The following PCGF3 variants were observed in gnomAD, a reference collection of about 807,000 sequenced individuals.
PCGF3 encodes polycomb group ring finger 3.
A neutral mutation model predicts 33.1 loss-of-function variants in PCGF3; 7 were observed. The observed-to-expected ratio is 0.21, with a 90% CI of 0.12 to 0.40. The LOEUF (loss-of-function observed/expected upper bound fraction) is 0.40, where lower values mean the gene tolerates loss of function less well. Ranked by LOEUF, PCGF3 falls within the 10% of genes least tolerant of loss-of-function variation. The pLI, the probability that PCGF3 is intolerant of heterozygous loss-of-function variation, is 1.00. For synonymous variants in PCGF3, 153 were observed against 121.3 expected (o/e 1.26, Z -1.72); for missense variants, 211 against 313.3 (o/e 0.67, Z 2.46).
intron 1 of PCGF3, among the ~76,000 whole-genome samples, chr4:712,918 A>G (rs1742635948): frequency 6.6e-6 from 1 of 152,240 alleles, no homozygotes. Flanking sequence ...GACTTCCTTG[A>G]AACTCCCTCT....
chr4:760,719 C>T (rs1247554447), intron 8 of PCGF3, among the ~76,000 whole-genome samples: 2 of 152,224 alleles, frequency 1.3e-5, no homozygotes, highest in South Asian at 2.1e-4. Context: ...GAAGCCTCGT[C>T]CTGGGCAGAT....
At chr4:738,046 C>G (rs1743911562) in intron 6 of PCGF3, among the ~76,000 whole-genome samples, 1 of 152,258 alleles carries the variant, frequency 6.6e-6, no homozygotes, top group African/African-American at 2.4e-5. Flanking sequence ...AGCTCCCCAG[C>G]TCCCGACACT....
At chr4:761,305 C>A in exon 9 of PCGF3, 1 of 1,600,518 alleles carries the variant, frequency 6.2e-7, no homozygotes, top group Non-Finnish European at 8.5e-7. Context: ...AGTGTAACAG[C>A]AGCAAACTGC....
At chr4:755,202 C>T (rs1481861086) in intron 8 of PCGF3, among the ~76,000 whole-genome samples, 1 of 152,236 alleles carries the variant, frequency 6.6e-6, no homozygotes, top group Non-Finnish European at 1.5e-5. Flanking sequence ...ACTTAATTTC[C>T]CATCTAATAC....
At chr4:728,088 C>G (rs1300167633) in intron 1 of PCGF3, among the ~76,000 whole-genome samples, 1 of 152,138 alleles carries the variant, frequency 6.6e-6, no homozygotes, top group Non-Finnish European at 1.5e-5. Flanking sequence ...CGTAAACTTT[C>G]CATTTTATTA....
intron 1 of PCGF3, among the ~76,000 whole-genome samples, chr4:711,368 A>C (rs1742553614): frequency 6.6e-6 from 1 of 152,114 alleles, no homozygotes; most frequent in South Asian, 2.1e-4. Flanking sequence ...ACTCTTTATT[A>C]AATGGCAGGA....
At chr4:760,656 C>T (rs1187987999) in intron 8 of PCGF3, among the ~76,000 whole-genome samples, 1 of 152,244 alleles carries the variant, frequency 6.6e-6, no homozygotes, top group Non-Finnish European at 1.5e-5. Flanking sequence ...CCGTGAGCGT[C>T]GCCCTTCCTT....
chr4:750,006 G>A lies in PCGF3; in HGVS notation c.462+5318G>A, dbSNP rs185018250. 3.2e-4 allele frequency among the ~76,000 whole-genome samples: 49 copies of A among 152,220 alleles called. 1 individual carries two copies. In the East Asian group the frequency reaches 9.5e-3, roughly 29 times the overall value. ...TTGTAGAGATGGATGGAGTCTTGCT[G>A]TGTTGCCTAGGCCGGTCTGAACTCC... On this transcript the variant is annotated intron_variant, in intron 8 of 10. Transcript: ENST00000362003.
intron 8 of PCGF3, among the ~76,000 whole-genome samples, chr4:756,176 A>G (rs1172910480): frequency 6.7e-6 from 1 of 149,952 alleles, no homozygotes; most frequent in African/African-American, 2.5e-5. Flanking sequence ...CAGCCTCCCA[A>G]AATGCTGGGA....
In PCGF3 at chr4:734,736, A is replaced by T. The variant is rs555304975; in HGVS notation, c.110-195A>T. The T allele has an allele frequency of 8.0e-6, 11 of 1,370,406 alleles. No homozygotes were observed. The East Asian group carries it at 1.1e-4, about 14-fold the overall frequency. The allele number at this position is 1,370,406 out of a possible 1,614,324, so 84.9% of individuals were successfully genotyped here. A position where few individuals can be genotyped will look rare whatever the true frequency, so the allele number is the denominator to read the frequency against. On this transcript the variant is annotated intron_variant, in intron 4 of 10. Transcript: ENST00000362003. ...TTTGAGGAAGCCCATTGACGGGGCA[A>T]TTAAAACCTTCTCATTGCTCCTGAG...
At chr4:724,279 C>T (rs1268567967) in intron 1 of PCGF3, among the ~76,000 whole-genome samples, 1 of 152,134 alleles carries the variant, frequency 6.6e-6, no homozygotes. Context: ...GCAAAGGCCC[C>T]GGAGGCTTTT....
chr4:709,115 G>A (rs1453755256), intron 1 of PCGF3, among the ~76,000 whole-genome samples: 2 of 152,226 alleles, frequency 1.3e-5, no homozygotes, highest in African/African-American at 4.8e-5. Flanking sequence ...TGTCAGGGGT[G>A]TTTCCAGAGG....
chr4:753,637 CG>C (rs1258325259), intron 8 of PCGF3, among the ~76,000 whole-genome samples: 3 of 148,158 alleles, frequency 2.0e-5, no homozygotes, highest in Admixed American at 6.7e-5. Context: ...AGCGAGAGTC[CG>C]GTCTCAAAAA....
At position 720,500 on chromosome 4, in the gene PCGF3, T is replaced by C; in HGVS notation, c.-189-10130T>C. 6.6e-6 allele frequency among the ~76,000 whole-genome samples: 1 copy of C among 152,190 alleles called. No individual in the cohort carries two copies. The highest frequency in any genetic ancestry group is 2.4e-5 in the African/African-American group (1 of 41,446). ...GGCCCACCCGTGAGTGGGTAGGGCC[T>C]CCTGCCAGGGAGCCTTGTGCATGGC... On this transcript the variant is annotated intron_variant, in intron 1 of 10. Transcript: ENST00000362003. The surrounding 1 kb of genome is among the most constrained non-coding windows in gnomAD (Gnocchi z 5.6).
chr4:725,263 G>A (rs1213466625), intron 1 of PCGF3: 1 of 152,972 alleles, frequency 6.5e-6, no homozygotes, highest in Non-Finnish European at 1.5e-5. Flanking sequence ...GCGCTGTGAG[G>A]GGTGTACATG....
At chr4:734,584 C>G (rs1577415031) in intron 4 of PCGF3, 3 of 1,167,014 alleles carry the variant, frequency 2.6e-6, no homozygotes, top group African/African-American at 3.2e-5. Context: ...ATACTGTCAT[C>G]TTTTAGGACA....
At chr4:724,755 G>A (rs1405269866) in intron 1 of PCGF3, among the ~76,000 whole-genome samples, 4 of 151,892 alleles carry the variant, frequency 2.6e-5, no homozygotes, top group Admixed American at 2.6e-4. Flanking sequence ...CCGAGATCAC[G>A]CCACTGCACT....
At chr4:733,607 G>A in intron 3 of PCGF3, 65 bp from the exon 4 acceptor site, 2 of 1,501,750 alleles carry the variant, frequency 1.3e-6, no homozygotes, top group Admixed American at 1.9e-5. Flanking sequence ...GGCTGTCAGA[G>A]CTCAGCCAAG....
intron 3 of PCGF3, chr4:731,343 C>T (rs934983807): frequency 7.7e-5 from 31 of 400,464 alleles, no homozygotes; most frequent in East Asian, 3.9e-4. Context: ...GGTCTCCTTC[C>T]GTCACTGGTT....
Sources: allele counts gnomAD v4.1 joint callset (sites outside exome capture counted in the v4.1 genomes callset), GRCh38; gene constraint gnomAD v4.1.1; non-coding constraint Gnocchi (gnomAD v3.1); transcripts MANE v1.5; gene names NCBI Gene and HGNC (gene_info 2026-07-23, HGNC 2026-07-21).